The following PXDNL variants were observed in gnomAD, a reference collection of about 807,000 sequenced individuals.
PXDNL encodes probable oxidoreductase PXDNL.
A neutral mutation model predicts 150.8 loss-of-function variants in PXDNL; 145 were observed. That is an observed-to-expected ratio of 0.96 (90% CI 0.84 to 1.10). The LOEUF (loss-of-function observed/expected upper bound fraction) is 1.10, where lower values mean the gene tolerates loss of function less well. Ranked by LOEUF, PXDNL falls within the 50% of genes least tolerant of loss-of-function variation. The pLI is 0.00. For synonymous variants in PXDNL, 757 were observed against 725.7 expected, an observed-to-expected ratio of 1.04 and a Z score of -0.69; for missense variants, 2,087 against 1,873.9, an observed-to-expected ratio of 1.11 and a Z score of -2.10.
At chr8:51,562,405 T>G (rs1812737128) in intron 3 of PXDNL, among the ~76,000 whole-genome samples, 1 of 151,990 alleles carries the variant, frequency 6.6e-6, no homozygotes, top group African/African-American at 2.4e-5. Flanking sequence ...TATGTGAAAT[T>G]TATAGCCCCA....
rs1460650824 is a variant in PXDNL, at chr8:51,411,234, T to C, written c.2062+16A>G. 2 of 1,424,122 alleles carry C rather than the reference T, an allele frequency of 1.4e-6. No homozygotes were observed. Among genetic ancestry groups the C allele is most frequent in the East Asian group, 2.7e-5 (1 of 37,466 alleles). 88.2% of individuals were successfully genotyped at this position (1,424,122 alleles called of 1,614,324 possible). ...TGTGGGCAGTAGGCTGAGAATAAAA[T>C]GGCTTTGTGGCTGACCTTTGCCTTC... is the stretch of plus-strand genomic sequence containing the variant. On this transcript the variant is annotated intron_variant, in intron 16 of 22. Coordinates refer to ENST00000356297, the MANE Select transcript of PXDNL (RefSeq NM_144651.5).
intron 1 of PXDNL, among the ~76,000 whole-genome samples, chr8:51,760,339 G>T (rs949229033): frequency 6.6e-6 from 1 of 151,616 alleles, no homozygotes; most frequent in African/African-American, 2.4e-5. Context: ...TCACAAAGTA[G>T]TATGGTTTAC....
At chr8:51,608,215 C>T (rs868518001) in intron 2 of PXDNL, among the ~76,000 whole-genome samples, 2 of 146,784 alleles carry the variant, frequency 1.4e-5, no homozygotes, top group Middle Eastern at 7.0e-3. Context: ...TGGTGAAACC[C>T]CGTCTCTACT....
In PXDNL at chr8:51,777,343, G is replaced by A. The variant is rs118041211; in HGVS notation, c.164+31838C>T. On this transcript the variant is annotated intron_variant, in intron 1 of 22. Coordinates refer to ENST00000356297, the MANE Select transcript of PXDNL (RefSeq NM_144651.5). The stretch of plus-strand genomic sequence containing the variant: ...AATTAAATGTGTCAATACACACCAA[G>A]TGCTTGGGATGACACTTGGAATGCA... Among the ~76,000 whole-genome samples the A allele has an allele frequency of 5.3e-4, 81 of 152,314 alleles. No homozygotes were observed. The East Asian group carries it at 6.8e-3, about 13-fold the overall frequency.
intron 4 of PXDNL, among the ~76,000 whole-genome samples, chr8:51,522,597 A>C (rs897747191): frequency 1.3e-5 from 2 of 152,092 alleles, no homozygotes; most frequent in Non-Finnish European, 2.9e-5. Context: ...TAATCCCAGC[A>C]CTTTGGGGGG....
intron 19 of PXDNL, among the ~76,000 whole-genome samples, chr8:51,351,642 G>A (rs1041538963): frequency 2.0e-5 from 3 of 152,162 alleles, no homozygotes; most frequent in Non-Finnish European, 4.4e-5. Context: ...CACACCTTCC[G>A]TGGCCAGAAT....
intron 19 of PXDNL, among the ~76,000 whole-genome samples, chr8:51,364,635 G>C (rs757452388): frequency 4.6e-5 from 7 of 152,170 alleles, no homozygotes; most frequent in Non-Finnish European, 1.0e-4. Flanking sequence ...TTTGATAGAT[G>C]GAAGATGAAG....
chr8:51,684,435 T>G (rs6473637), intron 1 of PXDNL, among the ~76,000 whole-genome samples: 127,955 of 152,184 alleles, frequency 0.84, 54,090 homozygotes, highest in African/African-American at 0.93. Context: ...CATTAATCGA[T>G]GTGGAAAACC....
At chr8:51,496,781 A>C (rs1811062128) in intron 5 of PXDNL, among the ~76,000 whole-genome samples, 1 of 152,192 alleles carries the variant, frequency 6.6e-6, no homozygotes, top group African/African-American at 2.4e-5. Context: ...CAATGAAATA[A>C]AAGAGGATAC....
intron 3 of PXDNL, among the ~76,000 whole-genome samples, chr8:51,568,879 G>T (rs751508603): frequency 6.6e-6 from 1 of 151,638 alleles, no homozygotes; most frequent in African/African-American, 2.4e-5. Flanking sequence ...ATATCCAGTC[G>T]ACTGGTGGGC....
intron 1 of PXDNL, among the ~76,000 whole-genome samples, chr8:51,802,090 G>A (rs1458317781): frequency 6.6e-6 from 1 of 151,880 alleles, no homozygotes; most frequent in East Asian, 1.9e-4. Flanking sequence ...TTAAATGAGG[G>A]CTTTTAGTTC....
intron 3 of PXDNL, among the ~76,000 whole-genome samples, chr8:51,566,785 T>C (rs1321432882): frequency 1.3e-5 from 2 of 151,426 alleles, no homozygotes; most frequent in Non-Finnish European, 3.0e-5. Context: ...TTCACTTTTA[T>C]TGATTTCTGC....
chr8:51,540,780 G>T (rs573293339), intron 4 of PXDNL, among the ~76,000 whole-genome samples: 1 of 151,942 alleles, frequency 6.6e-6, no homozygotes, highest in Non-Finnish European at 1.5e-5. Flanking sequence ...CTGTTTACTT[G>T]TTCTATCAGT....
intron 19 of PXDNL, among the ~76,000 whole-genome samples, chr8:51,368,785 C>T (rs1228908172): frequency 6.6e-6 from 1 of 152,020 alleles, no homozygotes; most frequent in African/African-American, 2.4e-5. Context: ...CACTTGAGAT[C>T]AGGAGTTCAA....
At chr8:51,682,734 A>G (rs1815779978) in intron 1 of PXDNL, among the ~76,000 whole-genome samples, 1 of 152,190 alleles carries the variant, frequency 6.6e-6, no homozygotes, top group Non-Finnish European at 1.5e-5. Flanking sequence ...AACAAATGAT[A>G]CAGATATGAC....
At chr8:51,470,491 A>C (rs547094841) in intron 8 of PXDNL, among the ~76,000 whole-genome samples, 6 of 152,312 alleles carry the variant, frequency 3.9e-5, no homozygotes, top group Admixed American at 2.0e-4. Context: ...CAAGAATGGA[A>C]GGGACACATG....
chr8:51,637,624 A>C (rs1435866781), intron 2 of PXDNL, among the ~76,000 whole-genome samples: 2 of 152,192 alleles, frequency 1.3e-5, no homozygotes, highest in Non-Finnish European at 2.9e-5. Flanking sequence ...AAATGAATGA[A>C]ATGAAGTGAA....
chr8:51,453,474 G>T (rs756168250), intron 10 of PXDNL, 45 bp downstream of exon 10: 16 of 1,584,146 alleles, frequency 1.0e-5, no homozygotes, highest in Non-Finnish European at 1.3e-5. Context: ...AATTTTCTGA[G>T]TGTGGCAGGA....
At chr8:51,486,794 ATTTTTTTTTTTT>A (rs1195750381) in intron 5 of PXDNL, among the ~76,000 whole-genome samples, 304 of 24,526 alleles carry the variant, frequency 0.012, 2 homozygotes, top group Admixed American at 0.035. Flanking sequence ...ATATATATAT[ATTTTTTTTTTTT>A]TTTTTTTTTT....
Sources: gnomAD v4.1 joint callset for allele counts (sites outside exome capture counted in the v4.1 genomes callset) on GRCh38, gnomAD v4.1.1 for gene constraint, MANE v1.5 for transcripts, NCBI Gene and HGNC (gene_info 2026-07-23, HGNC 2026-07-21) for gene names.